Variants in EDIL3 observed in about 807,000 individuals in gnomAD.
EDIL3 encodes the protein EGF-like repeat and discoidin I-like domain-containing protein 3.
A neutral mutation model predicts 67.4 loss-of-function variants in EDIL3; 37 were observed. That is an observed-to-expected ratio of 0.55 (90% CI 0.42 to 0.72). The LOEUF (loss-of-function observed/expected upper bound fraction) is 0.72. EDIL3 is among the 30% of genes least tolerant of loss of function. EDIL3 has a pLI of 0.00. For synonymous variants in EDIL3, 195 were observed against 196.3 expected (o/e 0.99, Z 0.05); for missense variants, 527 against 586.3 (o/e 0.90, Z 1.04).
chr5:84,134,837 T>C (rs1748060028), intron 5 of EDIL3, among the ~76,000 whole-genome samples: 1 of 152,170 alleles, frequency 6.6e-6, no homozygotes, highest in South Asian at 2.1e-4. Context: ...AATGCTAGAA[T>C]GCCAGATCAT....
chr5:84,031,535 T>C (rs1745923654), intron 9 of EDIL3, among the ~76,000 whole-genome samples: 1 of 152,184 alleles, frequency 6.6e-6, no homozygotes, highest in Admixed American at 6.6e-5. Context: ...AATTCGGTCA[T>C]GAATGTGGAG....
intron 10 of EDIL3, among the ~76,000 whole-genome samples, chr5:83,960,079 T>A (rs115478426): frequency 0.016 from 2,343 of 151,128 alleles, 29 homozygotes; most frequent in Non-Finnish European, 0.024. Context: ...GTGTCAGTTG[T>A]CTTCTTCAAT....
chr5:84,162,889 C>T (rs1382316745), intron 4 of EDIL3, among the ~76,000 whole-genome samples: 1 of 152,030 alleles, frequency 6.6e-6, no homozygotes, highest in Non-Finnish European at 1.5e-5. Flanking sequence ...AAGCAGCAGT[C>T]CATATGTAAC....
At chr5:84,299,407 T>C (rs913328758) in intron 1 of EDIL3, among the ~76,000 whole-genome samples, 1 of 152,156 alleles carries the variant, frequency 6.6e-6, no homozygotes, top group Non-Finnish European at 1.5e-5. Context: ...AATGCAAGTA[T>C]AAAACTCTGA....
intron 3 of EDIL3, among the ~76,000 whole-genome samples, chr5:84,224,488 G>T (rs995809702): frequency 6.6e-6 from 1 of 151,234 alleles, no homozygotes; most frequent in East Asian, 1.9e-4. Context: ...TATTGTTATA[G>T]TCAGTTTATG....
Position 84,069,122 on chromosome 5 carries a change from G to A in EDIL3, c.652-2516C>T, listed in dbSNP as rs1463695916. 6.6e-5 allele frequency among the ~76,000 whole-genome samples: 10 copies of A among 152,118 alleles called. No individual in the cohort carries two copies. The East Asian group carries it at 1.7e-3, about 26-fold the overall frequency. ...GAAATGCCTAAATTATTCTCTATGA[G>A]CTTGGTGGATGCCTGAAAAGGAAAT... On this transcript the variant is annotated intron_variant, in intron 6 of 10. Coordinates refer to ENST00000296591, the MANE Select transcript of EDIL3 (RefSeq NM_005711.5).
At chr5:84,366,174 T>C (rs530987362) in intron 1 of EDIL3, among the ~76,000 whole-genome samples, 1 of 152,280 alleles carries the variant, frequency 6.6e-6, no homozygotes, top group South Asian at 2.1e-4. Context: ...ATTAACCAAT[T>C]ATTTTTCTAA....
intron 3 of EDIL3, among the ~76,000 whole-genome samples, chr5:84,208,610 C>T (rs36184347): frequency 0.13 from 17,172 of 135,066 alleles, 990 homozygotes; most frequent in Non-Finnish European, 0.15. Context: ...ACCCGGGAAG[C>T]GGAGCTTGCA....
intron 1 of EDIL3, among the ~76,000 whole-genome samples, chr5:84,327,765 C>T (rs569920668): frequency 2.0e-5 from 3 of 152,066 alleles, no homozygotes; most frequent in South Asian, 2.1e-4. Flanking sequence ...TGTGAATGAG[C>T]GCCCCAATGC....
intron 5 of EDIL3, among the ~76,000 whole-genome samples, chr5:84,128,347 G>A (rs1451821365): frequency 6.6e-6 from 1 of 152,094 alleles, no homozygotes; most frequent in African/African-American, 2.4e-5. Flanking sequence ...TGTGATAAAA[G>A]CGGAAATCCC....
At position 84,141,922 on chromosome 5, in the gene EDIL3, TACAC is replaced by T. The variant is rs200286199; in HGVS notation, c.356-4572_356-4569del. Among the ~76,000 whole-genome samples, 185 of 87,428 alleles carry T rather than the reference TACAC, an allele frequency of 2.1e-3. 1 individual carries two copies. Among genetic ancestry groups the T allele is most frequent in the East Asian group, 9.8e-3 (11 of 1,120 alleles). The allele number at this position is 87,428 out of a possible 152,430, so 57.4% of individuals were successfully genotyped here. Reference sequence around the variant, plus strand: ...CAAACTACTCATATATATATATATATACACATATATATATATATATATATACATA... The same window carrying T: ...CAAACTACTCATATATATATATATATATATATATATATATATATATACATA... On this transcript the variant is annotated intron_variant, in intron 4 of 10. Transcript: ENST00000296591.
intron 9 of EDIL3, among the ~76,000 whole-genome samples, chr5:84,022,430 G>T (rs1226896904): frequency 6.6e-6 from 1 of 151,724 alleles, no homozygotes; most frequent in African/African-American, 2.4e-5. Context: ...AATAGTAAAG[G>T]TCATATATGA....
intron 9 of EDIL3, among the ~76,000 whole-genome samples, chr5:84,007,316 A>G (rs1318785026): frequency 2.0e-5 from 3 of 152,196 alleles, no homozygotes; most frequent in Non-Finnish European, 4.4e-5. Flanking sequence ...CAAAGGAAGC[A>G]ATCAACGAAG....
intron 6 of EDIL3, among the ~76,000 whole-genome samples, chr5:84,099,860 C>T (rs1178170523): frequency 2.7e-5 from 4 of 149,076 alleles, no homozygotes; most frequent in Non-Finnish European, 5.9e-5. Flanking sequence ...CCAGAATCTA[C>T]AAAGAACTTA....
intron 1 of EDIL3, among the ~76,000 whole-genome samples, chr5:84,365,329 CA>C (rs1473735171): frequency 1.3e-5 from 2 of 152,082 alleles, no homozygotes; most frequent in Non-Finnish European, 2.9e-5. Context: ...AGCTCTAAAA[CA>C]AGAACATATT....
At chr5:84,213,671 CAT>C (rs1191122246) in intron 3 of EDIL3, among the ~76,000 whole-genome samples, 2 of 152,002 alleles carry the variant, frequency 1.3e-5, no homozygotes, top group Non-Finnish European at 2.9e-5. Flanking sequence ...AGATATGAAA[CAT>C]ATCTAAATCT....
At chr5:83,945,625 A>G (rs1482684055) in intron 10 of EDIL3, among the ~76,000 whole-genome samples, 1 of 151,980 alleles carries the variant, frequency 6.6e-6, no homozygotes, top group Non-Finnish European at 1.5e-5. Flanking sequence ...CAACCCAGAA[A>G]GTATTAGTTG....
At chr5:84,199,437 C>T (rs1743784728) in intron 3 of EDIL3, among the ~76,000 whole-genome samples, 1 of 151,868 alleles carries the variant, frequency 6.6e-6, no homozygotes, top group African/African-American at 2.4e-5. Context: ...TTGTAATGAA[C>T]TTCATCTCTT....
intron 9 of EDIL3, among the ~76,000 whole-genome samples, chr5:84,056,211 T>C (rs1054472733): frequency 6.6e-6 from 1 of 151,996 alleles, no homozygotes; most frequent in Non-Finnish European, 1.5e-5. Context: ...CTCAGCAAAC[T>C]ATCGCAAGGA....
Sources: gnomAD v4.1 joint callset for allele counts (sites outside exome capture counted in the v4.1 genomes callset) on GRCh38, gnomAD v4.1.1 for gene constraint, MANE v1.5 for transcripts, NCBI Gene and HGNC (gene_info 2026-07-23, HGNC 2026-07-21) for gene names.